The following BCAS3 variants were observed in gnomAD, a reference collection of about 807,000 sequenced individuals.
BCAS3 encodes the protein BCAS3 microtubule associated cell migration factor, also known as BCAS4/BCAS3 fusion.
In BCAS3, 53 loss-of-function variants were observed where a neutral mutation model predicts 116.1. The observed-to-expected ratio is 0.46, with a 90% CI of 0.37 to 0.57. The LOEUF (loss-of-function observed/expected upper bound fraction) is 0.57, where lower values mean the gene tolerates loss of function less well. BCAS3 is among the 20% of genes least tolerant of loss of function. BCAS3 has a pLI of 0.00. For missense variants in BCAS3, 917 were observed against 1,165.4 expected, an observed-to-expected ratio of 0.79 and a Z score of 3.10; for synonymous variants, 391 against 408.2, an observed-to-expected ratio of 0.96 and a Z score of 0.51.
intron 6 of BCAS3, among the ~76,000 whole-genome samples, chr17:60,773,782 G>A (rs2044989699): frequency 6.6e-6 from 1 of 151,996 alleles, no homozygotes; most frequent in Admixed American, 6.6e-5. Flanking sequence ...CAAGTAGTTG[G>A]GACCACAGGC....
intron 10 of BCAS3, among the ~76,000 whole-genome samples, chr17:60,897,825 C>T (rs1166872285): frequency 6.6e-6 from 1 of 152,112 alleles, no homozygotes; most frequent in African/African-American, 2.4e-5. Context: ...AGGTGATCCT[C>T]TTGCCTAAGC....
chr17:60,730,053 G>A (rs1183743629), intron 5 of BCAS3, among the ~76,000 whole-genome samples: 1 of 152,186 alleles, frequency 6.6e-6, no homozygotes, highest in African/African-American at 2.4e-5. Flanking sequence ...CGGCTTCAAA[G>A]GACTGGAATG....
In BCAS3 at chr17:61,019,752, C is replaced by T. The variant is rs1337823429; in HGVS notation, c.1637+3851C>T. The stretch of plus-strand genomic sequence containing the variant: ...TTAGCTAATTTCCATTAATTATTGG[C>T]ATTAAATTGTATTGTATTTGCTGAG... On this transcript the variant is annotated intron_variant, in intron 16 of 23. Coordinates refer to ENST00000407086, the MANE Select transcript of BCAS3 (RefSeq NM_017679.5). The surrounding 1 kb of genome is among the most constrained non-coding windows in gnomAD (Gnocchi z 5.6). 6.6e-6 allele frequency among the ~76,000 whole-genome samples: 1 copy of T among 152,100 alleles called. No homozygotes were observed. Among genetic ancestry groups the T allele is most frequent in the Non-Finnish European group, 1.5e-5 (1 of 68,022 alleles).
intron 19 of BCAS3, among the ~76,000 whole-genome samples, chr17:61,050,216 G>A (rs1019242625): frequency 6.6e-6 from 1 of 151,882 alleles, no homozygotes; most frequent in African/African-American, 2.4e-5. Flanking sequence ...AGAAAACTAC[G>A]TCAGCATGAA....
intron 4 of BCAS3, among the ~76,000 whole-genome samples, chr17:60,700,569 A>G (rs1361899341): frequency 2.0e-5 from 3 of 152,220 alleles, no homozygotes; most frequent in Non-Finnish European, 4.4e-5. Context: ...GAGAGGATAT[A>G]TGGTAAGAAA....
At chr17:61,319,473 A>G (rs1355366721) in intron 22 of BCAS3, among the ~76,000 whole-genome samples, 2 of 152,124 alleles carry the variant, frequency 1.3e-5, no homozygotes, top group African/African-American at 2.4e-5. Flanking sequence ...CTAGAATTTC[A>G]TATTGTCTCT....
At chr17:61,311,547 C>G (rs2054305528) in intron 22 of BCAS3, among the ~76,000 whole-genome samples, 1 of 152,140 alleles carries the variant, frequency 6.6e-6, no homozygotes. Flanking sequence ...GTACTAATTT[C>G]TAGGCTGCTT....
intron 5 of BCAS3, among the ~76,000 whole-genome samples, chr17:60,716,873 A>C (rs1383612205): frequency 1.3e-5 from 2 of 152,182 alleles, no homozygotes; most frequent in Non-Finnish European, 1.5e-5. Context: ...TCTTTCACTC[A>C]GCAAAGATTT....
intron 22 of BCAS3, among the ~76,000 whole-genome samples, chr17:61,133,537 A>G (rs1454310237): frequency 6.6e-6 from 1 of 152,188 alleles, no homozygotes; most frequent in Non-Finnish European, 1.5e-5. Flanking sequence ...GCAAATTTCA[A>G]CCATTTGACA....
chr17:61,100,421 A>G (rs149207768), intron 22 of BCAS3, among the ~76,000 whole-genome samples: 416 of 152,270 alleles, frequency 2.7e-3, no homozygotes, highest in Non-Finnish European at 3.7e-3. Flanking sequence ...AGAACTTACT[A>G]TGGTGCCTGA....
chr17:61,013,449 C>T lies in BCAS3; in HGVS notation c.1487-2302C>T, dbSNP rs1452644550. ...TTATAATTATTTACATCTATATTGG[C>T]CTTGAGAGTGTGATAATAAATTACT... On this transcript the variant is annotated intron_variant, in intron 15 of 23. Coordinates refer to ENST00000407086, the MANE Select transcript of BCAS3 (RefSeq NM_017679.5). The surrounding 1 kb of genome is among the most constrained non-coding windows in gnomAD (Gnocchi z 4.4). Among the ~76,000 whole-genome samples the T allele has an allele frequency of 6.6e-6, 1 of 152,004 alleles. No individual in the cohort carries two copies.
At chr17:61,201,167 A>C (rs779227128) in intron 22 of BCAS3, among the ~76,000 whole-genome samples, 73 of 152,248 alleles carry the variant, frequency 4.8e-4, no homozygotes, top group Non-Finnish European at 1.0e-3. Context: ...TTTCTCCTTA[A>C]ATGCAGACTA....
intron 22 of BCAS3, among the ~76,000 whole-genome samples, chr17:61,245,554 A>AT (rs1325405633): frequency 5.9e-5 from 9 of 151,854 alleles, no homozygotes; most frequent in South Asian, 2.1e-4. Context: ...ATTGAGCTGT[A>AT]TAAAACTGTT....
chr17:61,182,453 G>T (rs2079538047), intron 22 of BCAS3, among the ~76,000 whole-genome samples: 1 of 151,962 alleles, frequency 6.6e-6, no homozygotes, highest in Non-Finnish European at 1.5e-5. Flanking sequence ...AACCAAGCTT[G>T]TCTTATCCTT....
At chr17:61,262,108 A>G (rs978022103) in intron 22 of BCAS3, among the ~76,000 whole-genome samples, 2 of 152,234 alleles carry the variant, frequency 1.3e-5, no homozygotes, top group African/African-American at 4.8e-5. Context: ...TATTTGCTTC[A>G]AAGACAATCC....
chr17:61,371,269 G>A (rs1203852624), intron 23 of BCAS3, among the ~76,000 whole-genome samples: 1 of 152,140 alleles, frequency 6.6e-6, no homozygotes, highest in African/African-American at 2.4e-5. Context: ...CTCCTATTAT[G>A]GCCAATTTCA....
chr17:61,086,741 C>T (rs2073122645), intron 22 of BCAS3: 1 of 985,350 alleles, frequency 1.0e-6, no homozygotes, highest in Non-Finnish European at 1.2e-6. Flanking sequence ...TTCTGAAAGA[C>T]AACCAAAACA....
chr17:60,938,010 T>C (rs999046282), intron 13 of BCAS3, among the ~76,000 whole-genome samples: 1 of 147,748 alleles, frequency 6.8e-6, no homozygotes, highest in East Asian at 1.9e-4. Context: ...CAATTATATT[T>C]CTCACTCTTT....
Position 61,323,758 on chromosome 17 carries a change from A to T in BCAS3, c.2426-44569A>T, listed in dbSNP as rs2055502859. ...GGGACCATTCATCACCGTGGTGCCT[A>T]GTCCCCAGGAGGTCAGTGGCCTGCT... is the stretch of plus-strand genomic sequence containing the variant. On this transcript the variant is annotated intron_variant, in intron 22 of 23. Transcript: ENST00000407086. The surrounding 1 kb of genome is among the most constrained non-coding windows in gnomAD (Gnocchi z 4.6). Among the ~76,000 whole-genome samples, 1 of 152,182 alleles carries T rather than the reference A, an allele frequency of 6.6e-6. No homozygotes were observed. Among genetic ancestry groups the T allele is most frequent in the African/African-American group, 2.4e-5 (1 of 41,452 alleles).
Sources: allele counts gnomAD v4.1 joint callset (sites outside exome capture counted in the v4.1 genomes callset), GRCh38; gene constraint gnomAD v4.1.1; non-coding constraint Gnocchi (gnomAD v3.1); transcripts MANE v1.5; gene names NCBI Gene and HGNC (gene_info 2026-07-23, HGNC 2026-07-21).